Variants in ZBTB44 observed in about 807,000 individuals in gnomAD.
The protein encoded by ZBTB44 is zinc finger and BTB domain-containing protein 44.
ZBTB44 carries 15 observed loss-of-function variants against 54.0 expected under a neutral mutation model. That is an observed-to-expected ratio of 0.28 (90% CI 0.19 to 0.43). ZBTB44 has a LOEUF of 0.43. ZBTB44 is among the 20% of genes least tolerant of loss of function. ZBTB44 has a pLI of 1.00. For synonymous variants in ZBTB44, 230 were observed against 250.1 expected (o/e 0.92, Z 0.76); for missense variants, 487 against 707.1 (o/e 0.69, Z 3.53).
intron 1 of ZBTB44, chr11:130,295,803 C>A: frequency 2.2e-6 from 3 of 1,393,652 alleles, no homozygotes; most frequent in Non-Finnish European, 2.0e-6. Flanking sequence ...GGAATGCATG[C>A]GGAGTCCTTG....
At chr11:130,234,337 G>A in intron 5 of ZBTB44, 64 bp from the exon 6 acceptor site, 2 of 1,428,358 alleles carry the variant, frequency 1.4e-6, no homozygotes, top group Non-Finnish European at 1.9e-6. Flanking sequence ...ATAAGCAACA[G>A]TAAAAAGCTC....
intron 1 of ZBTB44, among the ~76,000 whole-genome samples, chr11:130,303,540 C>G (rs1942095151): frequency 1.3e-5 from 2 of 152,074 alleles, no homozygotes; most frequent in African/African-American, 4.8e-5. Context: ...GAGGCTGAGG[C>G]AGGAAAATTG....
At chr11:130,239,681 A>T in intron 3 of ZBTB44, 131 bp downstream of exon 3, 1 of 684,260 alleles carries the variant, frequency 1.5e-6, no homozygotes, top group Non-Finnish European at 2.4e-6. Context: ...TGATGATGCT[A>T]CTTCATTACT....
intron 1 of ZBTB44, among the ~76,000 whole-genome samples, chr11:130,272,312 C>G (rs980662112): frequency 6.6e-6 from 1 of 152,146 alleles, no homozygotes; most frequent in Non-Finnish European, 1.5e-5. Context: ...TCTAGTCATC[C>G]TAGTGGATGT....
intron 1 of ZBTB44, among the ~76,000 whole-genome samples, chr11:130,263,874 T>G (rs1386971640): frequency 2.0e-5 from 3 of 152,172 alleles, no homozygotes; most frequent in African/African-American, 2.4e-5. Context: ...ATGCTGATCC[T>G]TTACCTCAAA....
intron 5 of ZBTB44, among the ~76,000 whole-genome samples, chr11:130,234,799 A>G (rs1954034035): frequency 6.6e-6 from 1 of 152,172 alleles, no homozygotes; most frequent in Admixed American, 6.5e-5. Context: ...GTATCCTGCT[A>G]TTACATTTGG....
chr11:130,275,889 G>C (rs1259193457), intron 1 of ZBTB44, among the ~76,000 whole-genome samples: 1 of 151,404 alleles, frequency 6.6e-6, no homozygotes, highest in Non-Finnish European at 1.5e-5. Context: ...GCCTCCCAAA[G>C]TGCTGGGATT....
intron 1 of ZBTB44, among the ~76,000 whole-genome samples, chr11:130,313,473 C>T (rs990575807): frequency 1.3e-5 from 2 of 152,166 alleles, no homozygotes; most frequent in African/African-American, 4.8e-5. Context: ...AATCCACTGA[C>T]AGTCCAAGTG....
At chr11:130,279,578 G>A (rs571539573) in intron 1 of ZBTB44, among the ~76,000 whole-genome samples, 21 of 152,204 alleles carry the variant, frequency 1.4e-4, no homozygotes, top group African/African-American at 3.9e-4. Flanking sequence ...AGAATCGCTC[G>A]AGTCCAGGAG....
chr11:130,237,056 CT>C lies in ZBTB44; in HGVS notation c.1304del (p.Lys435SerfsTer8). 1.3e-6 allele frequency: 2 copies of C among 1,596,080 alleles called. No homozygotes were observed. Among genetic ancestry groups the C allele is most frequent in the African/African-American group, 1.4e-5 (1 of 73,886 alleles). ...KPFQCDRCGK[K>X]FTRAYSLKMH... ...TCTTTAGCGAGTAAGCCCTGGTGAA[CT>C]TTTTCCCACAGCGGTCACACTGAAA... On this transcript the variant is annotated frameshift_variant, in exon 5 of 8. Transcript: ENST00000357899. LOFTEE classifies it high-confidence loss of function.
At chr11:130,287,510 G>A (rs1366247638) in intron 1 of ZBTB44, among the ~76,000 whole-genome samples, 8 of 152,142 alleles carry the variant, frequency 5.3e-5, no homozygotes, top group African/African-American at 1.9e-4. Flanking sequence ...AATGGTGAAA[G>A]TACTAACAAA....
intron 3 of ZBTB44, 79 bp from the exon 4 acceptor site, chr11:130,238,686 T>C: frequency 7.5e-7 from 1 of 1,325,842 alleles, no homozygotes; most frequent in Admixed American, 3.4e-5. Context: ...CAATTTTAAA[T>C]GAAAAAAGAT....
intron 1 of ZBTB44, among the ~76,000 whole-genome samples, chr11:130,309,113 G>C (rs1328744637): frequency 6.6e-6 from 1 of 152,180 alleles, no homozygotes; most frequent in Non-Finnish European, 1.5e-5. Context: ...CCTCTCTGCA[G>C]CACACAGCAG....
At chr11:130,247,330 G>A (rs1313901298) in intron 2 of ZBTB44, among the ~76,000 whole-genome samples, 8 of 152,214 alleles carry the variant, frequency 5.3e-5, no homozygotes, top group South Asian at 4.1e-4. Flanking sequence ...TCCTGGATGA[G>A]AGGGCAGATA....
chr11:130,232,919 C>T, intron 7 of ZBTB44: 1 of 160,596 alleles, frequency 6.2e-6, no homozygotes. Flanking sequence ...AGGAGAATGG[C>T]CTGAGCCCAG....
In ZBTB44 at chr11:130,289,301, G is replaced by T. The variant is rs541571850; in HGVS notation, c.-57+25074C>A. Among the ~76,000 whole-genome samples, 14 of 152,108 alleles carry T rather than the reference G, an allele frequency of 9.2e-5. 1 individual carries two copies. In the South Asian group the frequency reaches 2.9e-3, roughly 32 times the overall value. ...AGTTCAAGACTAGCCTGGCCAACAT[G>T]GTGAAACCCCGTCTCTACTAAAAAT... On this transcript the variant is annotated intron_variant, in intron 1 of 7. Transcript: ENST00000357899.
At chr11:130,274,257 A>G (rs985712895) in intron 1 of ZBTB44, among the ~76,000 whole-genome samples, 1 of 152,196 alleles carries the variant, frequency 6.6e-6, no homozygotes, top group African/African-American at 2.4e-5. Flanking sequence ...GGCGCATTTC[A>G]AATTTTACAT....
At chr11:130,282,040 G>C (rs915756557) in intron 1 of ZBTB44, among the ~76,000 whole-genome samples, 2 of 152,192 alleles carry the variant, frequency 1.3e-5, no homozygotes, top group Admixed American at 1.3e-4. Flanking sequence ...GATGGAGTGA[G>C]ACCCAATTTC....
intron 1 of ZBTB44, among the ~76,000 whole-genome samples, chr11:130,264,100 C>T (rs1191498158): frequency 6.6e-6 from 1 of 152,228 alleles, no homozygotes; most frequent in Non-Finnish European, 1.5e-5. Flanking sequence ...AGTCATTAAA[C>T]AAACCCTCTG....
Sources: allele counts gnomAD v4.1 joint callset (sites outside exome capture counted in the v4.1 genomes callset), GRCh38; gene constraint gnomAD v4.1.1; transcripts MANE v1.5; gene names NCBI Gene and HGNC (gene_info 2026-07-23, HGNC 2026-07-21).